Variants in CELF2 observed in about 807,000 individuals in gnomAD.
CELF2 encodes CUG triplet repeat RNA-binding protein 2.
Under a neutral mutation model 62.6 loss-of-function variants are expected in CELF2, and 8 were observed. The ratio of observed to expected loss-of-function variants is 0.13; its 90% confidence interval spans 0.07 to 0.23. CELF2 has a LOEUF of 0.23. Ranked by LOEUF, CELF2 falls within the 10% of genes least tolerant of loss-of-function variation. The pLI is 1.00. For missense variants in CELF2, 333 were observed against 671.0 expected (o/e 0.50, Z 5.56); for synonymous variants, 258 against 250.0 (o/e 1.03, Z -0.30).
the CELF2 span, among the ~76,000 whole-genome samples, chr10:10,716,790 G>A: frequency 2.0e-5 from 3 of 152,172 alleles, no homozygotes; most frequent in Non-Finnish European, 4.4e-5. Flanking sequence ...ATAACCTGCT[G>A]TTGGAACATT....
chr10:10,508,197 G>C, the CELF2 span, among the ~76,000 whole-genome samples: 6 of 151,600 alleles, frequency 4.0e-5, no homozygotes, highest in Non-Finnish European at 7.4e-5. Flanking sequence ...CATGCTCCTT[G>C]CAATAGGCAG....
At position 11,267,925 on chromosome 10, in the gene CELF2, C is replaced by G. The variant is rs2082618478; in HGVS notation, c.618+1248C>G. 6.6e-6 allele frequency among the ~76,000 whole-genome samples: 1 copy of G among 152,110 alleles called. No individual in the cohort carries two copies. The highest frequency in any genetic ancestry group is 1.5e-5 in the Non-Finnish European group (1 of 68,010). On this transcript the variant is annotated intron_variant, in intron 6 of 12. Transcript: ENST00000633077. This position sits in a 1 kb window ranked among gnomAD's most constrained non-coding sequence, Gnocchi z 4.4. ...GAACATTGATCTTGACTTTGATATT[C>G]CTAACATATCTTATATAATCACTGT...
rs1003547819 is a variant in CELF2 at position 10,940,284 on chromosome 10, A to T, written c.89+20285A>T. 9.4e-4 allele frequency among the ~76,000 whole-genome samples: 143 copies of T among 152,222 alleles called. 1 individual carries two copies. The highest frequency in any genetic ancestry group is 3.2e-3 in the African/African-American group (132 of 41,534). ...TTTTTTACAAGATTAGCATATGTTT[A>T]TGTTTGATTATTCAAGATAAATCAG... is the stretch of plus-strand genomic sequence containing the variant. On this transcript the variant is annotated intron_variant, in intron 2 of 13. Coordinates refer to the CELF2 transcript ENST00000636488.
chr10:10,929,376 T>C (rs2065847161), intron 2 of CELF2, among the ~76,000 whole-genome samples: 1 of 152,224 alleles, frequency 6.6e-6, no homozygotes, highest in Non-Finnish European at 1.5e-5. Flanking sequence ...CCATGTAAAG[T>C]ATTTAGCTCA....
chr10:10,922,304 C>G (rs541109888), intron 2 of CELF2, among the ~76,000 whole-genome samples: 53 of 152,294 alleles, frequency 3.5e-4, no homozygotes, highest in Middle Eastern at 6.8e-3. Context: ...AAAAAGTCCA[C>G]CCTGAAGACC....
chr10:10,768,877 T>C, the CELF2 span, among the ~76,000 whole-genome samples: 3 of 152,104 alleles, frequency 2.0e-5, no homozygotes, highest in Non-Finnish European at 4.4e-5. Flanking sequence ...CCTGACCCTC[T>C]TTCTTAATTT....
At chr10:10,517,172 A>G in the CELF2 span, among the ~76,000 whole-genome samples, 1 of 152,166 alleles carries the variant, frequency 6.6e-6, no homozygotes, top group Non-Finnish European at 1.5e-5. Flanking sequence ...CAATTACTGG[A>G]ATCATAGACA....
At chr10:11,018,384 C>A (rs2057673482) in intron 1 of CELF2, among the ~76,000 whole-genome samples, 1 of 151,570 alleles carries the variant, frequency 6.6e-6, no homozygotes. Flanking sequence ...CCCGGAGGGA[C>A]GAGCGGAGCG....
intron 2 of CELF2, among the ~76,000 whole-genome samples, chr10:10,955,918 G>A (rs553480520): frequency 5.9e-5 from 9 of 152,220 alleles, no homozygotes; most frequent in Admixed American, 3.9e-4. Flanking sequence ...TCCCATGCCC[G>A]ACCACAATAG....
At chr10:11,143,103 C>A (rs1282514244) in intron 1 of CELF2, among the ~76,000 whole-genome samples, 1 of 152,182 alleles carries the variant, frequency 6.6e-6, no homozygotes, top group East Asian at 1.9e-4. Flanking sequence ...TGGGGAATCT[C>A]GCTCCCCTCG....
chr10:10,806,497 C>T (rs934625637), intron 1 of CELF2, among the ~76,000 whole-genome samples: 2 of 152,198 alleles, frequency 1.3e-5, no homozygotes, highest in Non-Finnish European at 2.9e-5. Flanking sequence ...AGCCACTGCA[C>T]CCAGCCTCCA....
chr10:10,630,072 G>T, the CELF2 span, among the ~76,000 whole-genome samples: 1 of 152,192 alleles, frequency 6.6e-6, no homozygotes, highest in Admixed American at 6.5e-5. Flanking sequence ...CACTCCATCT[G>T]CTTTTGTTTG....
At chr10:11,020,941 A>G (rs916173332) in intron 1 of CELF2, among the ~76,000 whole-genome samples, 1 of 152,222 alleles carries the variant, frequency 6.6e-6, no homozygotes, top group Non-Finnish European at 1.5e-5. Flanking sequence ...AATCTTGGCT[A>G]TTAAAGTTTC....
At chr10:11,020,470 C>A (rs548349607) in intron 1 of CELF2, among the ~76,000 whole-genome samples, 2 of 152,014 alleles carry the variant, frequency 1.3e-5, no homozygotes, top group Non-Finnish European at 2.9e-5. Flanking sequence ...CTGAAATCCG[C>A]CTAAGTTGTA....
At chr10:10,621,850 C>T in the CELF2 span, among the ~76,000 whole-genome samples, 2 of 152,034 alleles carry the variant, frequency 1.3e-5, no homozygotes, top group South Asian at 2.1e-4. Context: ...ATGTAAGCAC[C>T]CTTCCACCAG....
the CELF2 span, among the ~76,000 whole-genome samples, chr10:10,646,862 G>A: frequency 6.6e-6 from 1 of 152,174 alleles, no homozygotes; most frequent in South Asian, 2.1e-4. Context: ...GTGAAGAAAT[G>A]AAGCCCAGAA....
the CELF2 span, among the ~76,000 whole-genome samples, chr10:10,696,691 G>A: frequency 6.6e-6 from 1 of 152,132 alleles, no homozygotes; most frequent in Non-Finnish European, 1.5e-5. Context: ...CCAGGTGTGG[G>A]ATATAGTCTC....
At chr10:10,669,844 C>CT in the CELF2 span, among the ~76,000 whole-genome samples, 135 of 150,236 alleles carry the variant, frequency 9.0e-4, 1 homozygote, top group Admixed American at 2.0e-3. Context: ...AGTATTATTG[C>CT]TTTTTGTGTT....
At chr10:11,293,286 A>T (rs1416546838) in intron 9 of CELF2, among the ~76,000 whole-genome samples, 1 of 152,254 alleles carries the variant, frequency 6.6e-6, no homozygotes, top group Non-Finnish European at 1.5e-5. Flanking sequence ...AAGCGTTTCT[A>T]ATGCACATTA....
Sources: allele counts gnomAD v4.1 joint callset (sites outside exome capture counted in the v4.1 genomes callset), GRCh38; gene constraint gnomAD v4.1.1; non-coding constraint Gnocchi (gnomAD v3.1); transcripts MANE v1.5; gene names NCBI Gene and HGNC (gene_info 2026-07-23, HGNC 2026-07-21).